The following RAD51B variants were observed in gnomAD, a reference collection of about 807,000 sequenced individuals.
The protein encoded by RAD51B is RAD51 paralog B, also known as DNA repair protein RAD51 homolog 2.
A neutral mutation model predicts 42.2 loss-of-function variants in RAD51B; 38 were observed. The ratio of observed to expected loss-of-function variants is 0.90; its 90% CI spans 0.70 to 1.18. RAD51B has a LOEUF of 1.18. Ranked by LOEUF, RAD51B falls within the 50% of genes most tolerant of loss-of-function variation. RAD51B has a pLI of 0.00. For synonymous variants in RAD51B, 154 were observed against 145.2 expected (o/e 1.06, Z -0.43); for missense variants, 373 against 400.7 (o/e 0.93, Z 0.59).
At chr14:68,080,803 C>A (rs975161624) in intron 7 of RAD51B, among the ~76,000 whole-genome samples, 1 of 152,116 alleles carries the variant, frequency 6.6e-6, no homozygotes, top group African/African-American at 2.4e-5. Context: ...AAAAGAAAAA[C>A]AGTTTAGTAG....
chr14:68,303,018 C>T (rs944119279), intron 8 of RAD51B, among the ~76,000 whole-genome samples: 5 of 152,190 alleles, frequency 3.3e-5, no homozygotes, highest in African/African-American at 1.2e-4. Flanking sequence ...TTGCTCCCAA[C>T]AGAAAGGTCT....
intron 8 of RAD51B, among the ~76,000 whole-genome samples, chr14:68,301,079 G>A (rs746933732): frequency 1.3e-5 from 2 of 152,172 alleles, no homozygotes; most frequent in African/African-American, 2.4e-5. Context: ...TGTGTTGAAG[G>A]TGGAGGTTCC....
chr14:68,274,499 A>C, intron 7 of RAD51B, among the ~76,000 whole-genome samples: 1 of 152,214 alleles, frequency 6.6e-6, no homozygotes, highest in East Asian at 1.9e-4. Flanking sequence ...TACCCAGCCC[A>C]AAATCAGATT....
In RAD51B at chr14:68,173,014, AT is replaced by A. The variant is rs2078901479; in HGVS notation, c.757-118864del. On this transcript the variant is annotated intron_variant, in intron 7 of 10. Transcript: ENST00000471583. ...TAATTATACAGCTCCAGGCATTTGCATTTTTTCAAGGCATTTTAAAGTTTAT... is the reference window on the plus strand; with the variant it reads ...TAATTATACAGCTCCAGGCATTTGCATTTTTCAAGGCATTTTAAAGTTTAT... Among the ~76,000 whole-genome samples the A allele has an allele frequency of 2.6e-5, 4 of 152,232 alleles. No individual in the cohort carries two copies. The South Asian group carries it at 8.3e-4, about 32-fold the overall frequency.
Position 68,063,865 on chromosome 14 carries a change from C to G in RAD51B, c.756+176661C>G, listed in dbSNP as rs186751599. On this transcript the variant is annotated intron_variant, in intron 7 of 10. Coordinates refer to ENST00000471583, the MANE Select transcript of RAD51B (RefSeq NM_133510.4). Reference sequence around the variant, plus strand: ...ATGGGGAATTTAATCCTTTTACATTCAAGGTTATTATTTACAGGTGAGAAC... The same window carrying G: ...ATGGGGAATTTAATCCTTTTACATTGAAGGTTATTATTTACAGGTGAGAAC... Among the ~76,000 whole-genome samples, 470 of 152,328 alleles carry G rather than the reference C, an allele frequency of 3.1e-3. 4 individuals are homozygous for G. Among genetic ancestry groups the G allele is most frequent in the Non-Finnish European group, 5.5e-3 (377 of 68,026 alleles).
At chr14:68,303,118 A>G (rs1311238792) in intron 8 of RAD51B, among the ~76,000 whole-genome samples, 1 of 152,208 alleles carries the variant, frequency 6.6e-6, no homozygotes, top group Non-Finnish European at 1.5e-5. Context: ...TGGCACATAC[A>G]CACTGTGGAA....
At chr14:68,051,132 A>T (rs1481578997) in intron 7 of RAD51B, among the ~76,000 whole-genome samples, 3 of 151,984 alleles carry the variant, frequency 2.0e-5, no homozygotes, top group Non-Finnish European at 2.9e-5. Flanking sequence ...AGGGAAAGTT[A>T]CCAGATTTCT....
chr14:68,218,381 A>G (rs2079857300), intron 7 of RAD51B, among the ~76,000 whole-genome samples: 1 of 152,212 alleles, frequency 6.6e-6, no homozygotes, highest in Admixed American at 6.5e-5. Context: ...CCAGATGCCT[A>G]CTTTTTGTAA....
intron 11 of RAD51B, among the ~76,000 whole-genome samples, chr14:68,672,716 G>C (rs907795688): frequency 6.6e-5 from 10 of 152,154 alleles, no homozygotes; most frequent in Admixed American, 5.9e-4. Flanking sequence ...AGCTACACAA[G>C]CATCAGGGAA....
At chr14:68,066,480 G>A (rs1432110333) in intron 7 of RAD51B, among the ~76,000 whole-genome samples, 2 of 152,150 alleles carry the variant, frequency 1.3e-5, no homozygotes, top group Non-Finnish European at 2.9e-5. Flanking sequence ...TTATAGGAAA[G>A]GATATCATGT....
At chr14:68,528,550 T>C (rs535664203) in intron 10 of RAD51B, among the ~76,000 whole-genome samples, 2 of 152,346 alleles carry the variant, frequency 1.3e-5, no homozygotes, top group South Asian at 4.1e-4. Context: ...CTAAACATCT[T>C]GACCAGTAAA....
intron 7 of RAD51B, among the ~76,000 whole-genome samples, chr14:68,146,541 C>T (rs2078253330): frequency 6.6e-6 from 1 of 151,990 alleles, no homozygotes; most frequent in African/African-American, 2.4e-5. Flanking sequence ...ACTGGAATGC[C>T]TTGAGTTTGA....
chr14:67,901,663 T>C (rs948811486), intron 7 of RAD51B, among the ~76,000 whole-genome samples: 1 of 152,142 alleles, frequency 6.6e-6, no homozygotes, highest in Non-Finnish European at 1.5e-5. Context: ...AACAAAGATA[T>C]GGAATCAACC....
At chr14:68,148,147 A>G (rs757351169) in intron 7 of RAD51B, among the ~76,000 whole-genome samples, 1 of 152,178 alleles carries the variant, frequency 6.6e-6, no homozygotes, top group Non-Finnish European at 1.5e-5. Context: ...ATGTTGTTGC[A>G]TGTATCAGTA....
At position 67,826,991 on chromosome 14, in the gene RAD51B, T is replaced by C. The variant is rs562089223; in HGVS notation, c.198+1414T>C. ...ACTGTGCCTGGCCAAACAACAGATATTTTCTTTTGTTCAGATTTAGCTTGT... is the reference window on the plus strand; with the variant it reads ...ACTGTGCCTGGCCAAACAACAGATACTTTCTTTTGTTCAGATTTAGCTTGT... On this transcript the variant is annotated intron_variant, in intron 3 of 10. Transcript: ENST00000471583. Among the ~76,000 whole-genome samples, 19 of 152,340 alleles carry C rather than the reference T, an allele frequency of 1.2e-4. No individual in the cohort carries two copies. In the East Asian group the frequency reaches 3.5e-3, roughly 28 times the overall value.
chr14:67,954,908 T>C (rs2074518776), intron 7 of RAD51B, among the ~76,000 whole-genome samples: 1 of 151,892 alleles, frequency 6.6e-6, no homozygotes, highest in Admixed American at 6.6e-5. Flanking sequence ...AGTATATAGG[T>C]TGAGTTATTG....
At chr14:68,580,018 G>A (rs915355820) in intron 10 of RAD51B, among the ~76,000 whole-genome samples, 1 of 152,188 alleles carries the variant, frequency 6.6e-6, no homozygotes, top group African/African-American at 2.4e-5. Flanking sequence ...GGAAGGGCCC[G>A]CAATGCCAGC....
chr14:68,354,241 G>A (rs555377049), intron 8 of RAD51B, among the ~76,000 whole-genome samples: 100 of 124,352 alleles, frequency 8.0e-4, no homozygotes, highest in Non-Finnish European at 1.1e-3. Flanking sequence ...TTTTTGAGAT[G>A]GAGTCTCGCT....
intron 7 of RAD51B, among the ~76,000 whole-genome samples, chr14:68,039,426 CAAAAAAAA>C (rs754840073): frequency 1.6e-5 from 1 of 63,828 alleles, no homozygotes; most frequent in Admixed American, 1.8e-4. Flanking sequence ...GACTTCATTC[CAAAAAAAA>C]AAAAAAAAAA....
Sources: gnomAD v4.1 joint callset for allele counts (sites outside exome capture counted in the v4.1 genomes callset) on GRCh38, gnomAD v4.1.1 for gene constraint, MANE v1.5 for transcripts, NCBI Gene and HGNC (gene_info 2026-07-23, HGNC 2026-07-21) for gene names.